The following ZNF746 variants were observed in gnomAD, a reference collection of about 807,000 sequenced individuals.
The protein encoded by ZNF746 is zinc finger protein 746, also known as parkin-interacting substrate.
Under a neutral mutation model 41.0 loss-of-function variants are expected in ZNF746, and 13 were observed. That is an observed-to-expected ratio of 0.32 (90% CI 0.21 to 0.50). ZNF746 has a LOEUF of 0.50. Among genes scored for constraint, ZNF746 ranks in the 20% least tolerant of loss-of-function variants. The pLI is 0.98. For missense variants in ZNF746, 811 were observed against 922.9 expected (o/e 0.88, Z 1.57); for synonymous variants, 424 against 396.2 (o/e 1.07, Z -0.83).
intron 1 of ZNF746, among the ~76,000 whole-genome samples, chr7:149,496,161 G>A (rs1800989715): frequency 6.6e-6 from 1 of 152,194 alleles, no homozygotes; most frequent in Non-Finnish European, 1.5e-5. Context: ...GCTTTGTGTG[G>A]CATGAAAGGG....
At chr7:149,487,071 G>A (rs957945967) in intron 4 of ZNF746, among the ~76,000 whole-genome samples, 4 of 152,176 alleles carry the variant, frequency 2.6e-5, no homozygotes, top group African/African-American at 9.7e-5. Context: ...TGCCAGATCA[G>A]TGGTGGCATT....
chr7:149,477,077 GT>G (rs1800329281), intron 5 of ZNF746, 30 bp from the exon 6 acceptor site: 1 of 1,599,080 alleles, frequency 6.3e-7, no homozygotes, highest in African/African-American at 1.3e-5. Context: ...GAGCCGGTGG[GT>G]TAGGGGACGG....
Position 149,477,087 on chromosome 7 carries a change from G to A in ZNF746, c.758-40C>T, listed in dbSNP as rs746584033. On this transcript the variant is annotated intron_variant, in intron 5 of 6. Transcript: ENST00000458143. ...GAGCAGAGCCGGTGGGTTAGGGGACGGACGGGGAGGACAGAAGACTGTTGG... is the reference window on the plus strand; with the variant it reads ...GAGCAGAGCCGGTGGGTTAGGGGACAGACGGGGAGGACAGAAGACTGTTGG... 112 of 1,577,990 alleles carry A rather than the reference G, an allele frequency of 7.1e-5. 1 individual carries two copies. The highest frequency in any genetic ancestry group is 6.8e-4 in the South Asian group (58 of 84,802).
chr7:149,482,467 G>GT (rs35195599), intron 4 of ZNF746, among the ~76,000 whole-genome samples: 84,395 of 144,648 alleles, frequency 0.58, 24,521 homozygotes, highest in Middle Eastern at 0.62. Flanking sequence ...TAATTCTAAG[G>GT]TTTTTTTTTT....
In ZNF746 at chr7:149,474,642, C is replaced by G; in HGVS notation, c.1725G>C (p.Thr575=). 6.2e-7 allele frequency: 1 copy of G among 1,613,620 alleles called. No individual in the cohort carries two copies. Among genetic ancestry groups the G allele is most frequent in the Non-Finnish European group, 8.5e-7 (1 of 1,179,814 alleles). The change falls in exon 7 of 7, where the codon ACG becomes ACC. Residue 575 remains threonine, a synonymous_variant. Coordinates refer to ENST00000458143, the MANE Select transcript of ZNF746 (RefSeq NM_001394198.1). The surrounding 1 kb of genome is among the most constrained non-coding windows in gnomAD (Gnocchi z 6.3). ...AGGTGAAGGGCCGCACGCCCGTGTG[C>G]GTTCGGTAGTGGTCGATGAGCTTGG... ...ERSKLIDHYR[T]HTGVRPFTCT... is the part of the protein sequence containing the mutation.
Position 149,476,944 on chromosome 7 carries a change from G to A in ZNF746, c.861C>T (p.Leu287=), listed in dbSNP as rs1301576649. Reference sequence around the variant, plus strand: ...TACCTTCCGTGGAGGCTGCTGTGTTGAGCTTCAGGGTCCCGTCCGAGCATG... The same window carrying A: ...TACCTTCCGTGGAGGCTGCTGTGTTAAGCTTCAGGGTCCCGTCCGAGCATG... ...SSACSDGTLK[L]NTAASTEADV... Residue 287 remains leucine, a synonymous_variant, in exon 6 of 7, where the codon CTC becomes CTT. Coordinates refer to ENST00000458143, the MANE Select transcript of ZNF746 (RefSeq NM_001394198.1). 2 of 1,614,048 alleles carry A rather than the reference G, an allele frequency of 1.2e-6. No homozygotes were observed. Among genetic ancestry groups the A allele is most frequent in the Non-Finnish European group, 8.5e-7 (1 of 1,179,976 alleles).
chr7:149,481,561 G>A (rs1267003341), intron 4 of ZNF746, among the ~76,000 whole-genome samples: 1 of 152,178 alleles, frequency 6.6e-6, no homozygotes, highest in African/African-American at 2.4e-5. Context: ...AGGACTCACT[G>A]TATAGGGATG....
At chr7:149,477,799 C>G (rs1350187589) in intron 4 of ZNF746, 44 bp from the exon 5 acceptor site, 4 of 1,517,026 alleles carry the variant, frequency 2.6e-6, no homozygotes, top group African/African-American at 1.4e-5. Context: ...CACGGCCCCT[C>G]AGCCCTGGGG....
chr7:149,476,640 G>A (rs1800310793), intron 6 of ZNF746, among the ~76,000 whole-genome samples: 1 of 152,172 alleles, frequency 6.6e-6, no homozygotes. Flanking sequence ...AGCTGGGGAG[G>A]AGGTATATCC....
At chr7:149,486,395 A>C (rs1800624004) in intron 4 of ZNF746, among the ~76,000 whole-genome samples, 1 of 142,830 alleles carries the variant, frequency 7.0e-6, no homozygotes, top group Admixed American at 7.3e-5. Context: ...CATATGCATA[A>C]GAATGTTCAC....
In ZNF746 at chr7:149,491,863, T is replaced by C. The variant is rs1481757908; in HGVS notation, c.565+996A>G. 13 of 700,994 alleles carry C rather than the reference T, an allele frequency of 1.9e-5. No individual in the cohort carries two copies. In the Admixed American group the frequency reaches 2.4e-4, roughly 13 times the overall value. The allele number at this position is 700,994 out of a possible 1,614,324, so 43.4% of individuals were successfully genotyped here. A position where few individuals can be genotyped will look rare whatever the true frequency, so the allele number is the denominator to read the frequency against. ...CAAATGACCCAGCAGGTCTTCACTT[T>C]AGGAATTTGGTTTTTCTCCTGTGTC... is the stretch of plus-strand genomic sequence containing the variant. On this transcript the variant is annotated intron_variant, in intron 4 of 6. Coordinates refer to ENST00000458143, the MANE Select transcript of ZNF746 (RefSeq NM_001394198.1).
At position 149,496,740 on chromosome 7, in the gene ZNF746, A is replaced by T. The variant is rs546701439; in HGVS notation, c.24+773T>A. 44 of 843,036 alleles carry T rather than the reference A, an allele frequency of 5.2e-5. No individual in the cohort carries two copies. In the Admixed American group the frequency reaches 7.5e-4, roughly 14 times the overall value. 52.2% of individuals were successfully genotyped at this position (843,036 alleles called of 1,614,324 possible). On this transcript the variant is annotated intron_variant, in intron 1 of 6. Transcript: ENST00000458143. Reference sequence around the variant, plus strand: ...GCCAGGAGGGGTGGACAGCGGTACCAAGAGGCCCCCTGACACTCCTTCCCC... The same window carrying T: ...GCCAGGAGGGGTGGACAGCGGTACCTAGAGGCCCCCTGACACTCCTTCCCC...
chr7:149,493,890 G>T, intron 3 of ZNF746, 99 bp downstream of exon 3: 2 of 1,585,386 alleles, frequency 1.3e-6, no homozygotes, highest in Non-Finnish European at 1.7e-6. Context: ...AATGTTTCTG[G>T]TGATTTATAT....
intron 1 of ZNF746, among the ~76,000 whole-genome samples, chr7:149,495,578 C>A (rs900829773): frequency 4.6e-5 from 7 of 152,192 alleles, no homozygotes; most frequent in Non-Finnish European, 1.0e-4. Context: ...GTATCGGGAC[C>A]TGAGGATCAA....
At position 149,497,246 on chromosome 7, in the gene ZNF746, C is replaced by T; in HGVS notation, c.24+267G>A. On this transcript the variant is annotated intron_variant, in intron 1 of 6. Coordinates refer to ENST00000458143, the MANE Select transcript of ZNF746 (RefSeq NM_001394198.1). This position sits in a 1 kb window ranked among gnomAD's most constrained non-coding sequence, Gnocchi z 4.2. Reference sequence around the variant, plus strand: ...CAGCGGCTGGGGCGGGGGCAGGAAGCCCCGGAGGGCCCAAAGAACTTGGCG... The same window carrying T: ...CAGCGGCTGGGGCGGGGGCAGGAAGTCCCGGAGGGCCCAAAGAACTTGGCG... The T allele has an allele frequency of 1.0e-6, 1 of 984,506 alleles. No individual in the cohort carries two copies. The highest frequency in any genetic ancestry group is 1.2e-6 in the Non-Finnish European group (1 of 829,124). 61.0% of individuals were successfully genotyped at this position (984,506 alleles called of 1,614,324 possible). A position where few individuals can be genotyped will look rare whatever the true frequency, so the allele number is the denominator to read the frequency against.
In ZNF746 at chr7:149,496,967, G is replaced by A. The variant is rs933952016; in HGVS notation, c.24+546C>T. 18 of 985,200 alleles carry A rather than the reference G, an allele frequency of 1.8e-5. No individual in the cohort carries two copies. The African/African-American group carries it at 2.6e-4, about 14-fold the overall frequency. 61.0% of individuals were successfully genotyped at this position (985,200 alleles called of 1,614,324 possible). On this transcript the variant is annotated intron_variant, in intron 1 of 6. Coordinates refer to ENST00000458143, the MANE Select transcript of ZNF746 (RefSeq NM_001394198.1). ...TTTTGTATGACAGAGATTAACACCAGTACCCATCCCACAGGCTTGCTGTGA... is the reference window on the plus strand; with the variant it reads ...TTTTGTATGACAGAGATTAACACCAATACCCATCCCACAGGCTTGCTGTGA...
chr7:149,474,656 C>G lies in ZNF746; in HGVS notation c.1711G>C (p.Asp571His). ...KRFTERSKLI[D>H]HYRTHTGVRP... ...ACGCCCGTGTGCGTTCGGTAGTGGT[C>G]GATGAGCTTGGAGCGTTCGGTGAAG... The change falls in exon 7 of 7, where the codon GAC (aspartate) becomes CAC (histidine). Residue 571 changes from aspartate (D) to histidine (H), a missense_variant. Physicochemically the swap from Asp to His is moderately conservative, Grantham distance 81 (BLOSUM62 -1). Transcript: ENST00000458143. The surrounding 1 kb of genome is among the most constrained non-coding windows in gnomAD (Gnocchi z 6.3). 6.2e-7 allele frequency: 1 copy of G among 1,613,154 alleles called. No homozygotes were observed. Among genetic ancestry groups the G allele is most frequent in the East Asian group, 2.2e-5 (1 of 44,808 alleles).
downstream of ZNF746, chr7:149,472,763 C>T (rs1361593919): frequency 6.6e-6 from 1 of 152,634 alleles, no homozygotes; most frequent in Non-Finnish European, 1.5e-5. Context: ...GACAAAGACA[C>T]ATGCCTAGGA....
chr7:149,478,677 T>C (rs1290120010), intron 4 of ZNF746, among the ~76,000 whole-genome samples: 1 of 152,030 alleles, frequency 6.6e-6, no homozygotes, highest in African/African-American at 2.4e-5. Context: ...CAAATGGCCA[T>C]GAGAGTCATG....
Sources: allele counts gnomAD v4.1 joint callset (sites outside exome capture counted in the v4.1 genomes callset), GRCh38; gene constraint gnomAD v4.1.1; non-coding constraint Gnocchi (gnomAD v3.1); transcripts MANE v1.5; gene names NCBI Gene and HGNC (gene_info 2026-07-23, HGNC 2026-07-21).